The following ZCCHC24 variants were observed in gnomAD, a reference collection of about 807,000 sequenced individuals.
ZCCHC24 encodes zinc finger CCHC domain-containing protein 24.
Under a neutral mutation model 26.2 loss-of-function variants are expected in ZCCHC24, and 10 were observed. The ratio of observed to expected loss-of-function variants is 0.38; its 90% CI spans 0.24 to 0.65. The LOEUF (loss-of-function observed/expected upper bound fraction) is 0.65. Ranked by LOEUF, ZCCHC24 falls within the 30% of genes least tolerant of loss-of-function variation. ZCCHC24 has a pLI of 0.54. For missense variants in ZCCHC24, 243 were observed against 329.1 expected (o/e 0.74, Z 2.03); for synonymous variants, 144 against 147.1 (o/e 0.98, Z 0.15).
intron 1 of ZCCHC24, among the ~76,000 whole-genome samples, chr10:79,439,327 A>G (rs902253631): frequency 6.6e-6 from 1 of 152,230 alleles, no homozygotes; most frequent in Non-Finnish European, 1.5e-5. Context: ...GCTCATTCCA[A>G]TGAATCAAGA....
In ZCCHC24 at chr10:79,445,550, G is replaced by T; in HGVS notation, c.-110C>A. On this transcript the variant is annotated 5_prime_UTR_variant, in exon 1 of 4. Coordinates refer to ENST00000372336, the MANE Select transcript of ZCCHC24 (RefSeq NM_153367.4). The stretch of plus-strand genomic sequence containing the variant: ...GCCCACTGCCCGCCTCCCGAGCCCC[G>T]ACGGTGATCGCCCCGCGCCCTGCGC... 1 of 993,196 alleles carries T rather than the reference G, an allele frequency of 1.0e-6. No homozygotes were observed. The highest frequency in any genetic ancestry group is 4.8e-5 in the South Asian group (1 of 20,994). 61.5% of individuals were successfully genotyped at this position (993,196 alleles called of 1,614,324 possible). A position where few individuals can be genotyped will look rare whatever the true frequency, so the allele number is the denominator to read the frequency against.
chr10:79,404,587 A>C (rs1856683612), intron 2 of ZCCHC24, among the ~76,000 whole-genome samples: 1 of 152,136 alleles, frequency 6.6e-6, no homozygotes, highest in African/African-American at 2.4e-5. Context: ...GGGACTATTG[A>C]GTTTGAAAAC....
chr10:79,422,612 C>T (rs933506320), intron 2 of ZCCHC24, among the ~76,000 whole-genome samples: 33 of 152,228 alleles, frequency 2.2e-4, no homozygotes, highest in African/African-American at 7.2e-4. Context: ...TATTTTTCTT[C>T]TTTTGCAATC....
chr10:79,390,909 C>T (rs985039403), intron 3 of ZCCHC24, among the ~76,000 whole-genome samples: 5 of 152,056 alleles, frequency 3.3e-5, no homozygotes, highest in Admixed American at 1.3e-4. Context: ...CCCTCTCCAC[C>T]GCGGGGCAAC....
At chr10:79,419,112 G>C (rs1454569340) in intron 2 of ZCCHC24, among the ~76,000 whole-genome samples, 1 of 152,152 alleles carries the variant, frequency 6.6e-6, no homozygotes, top group Non-Finnish European at 1.5e-5. Context: ...AAGGAGAGGG[G>C]CTCCGGTGGG....
chr10:79,412,678 C>T (rs145286595), intron 2 of ZCCHC24, among the ~76,000 whole-genome samples: 4 of 152,334 alleles, frequency 2.6e-5, no homozygotes, highest in African/African-American at 9.6e-5. Flanking sequence ...TGTGGCCCTG[C>T]GTCCCCTCTT....
chr10:79,407,787 A>T (rs1226625048), intron 2 of ZCCHC24, among the ~76,000 whole-genome samples: 1 of 152,228 alleles, frequency 6.6e-6, no homozygotes, highest in Non-Finnish European at 1.5e-5. Flanking sequence ...TCCTCACCCC[A>T]GGAGCTGGGC....
chr10:79,400,258 A>G (rs1294898186), intron 2 of ZCCHC24, among the ~76,000 whole-genome samples: 1 of 152,270 alleles, frequency 6.6e-6, no homozygotes, highest in Non-Finnish European at 1.5e-5. Context: ...AGACATGCGG[A>G]CAAAAGGGGT....
At chr10:79,401,122 C>G (rs182606607) in intron 2 of ZCCHC24, among the ~76,000 whole-genome samples, 1 of 152,206 alleles carries the variant, frequency 6.6e-6, no homozygotes, top group Non-Finnish European at 1.5e-5. Flanking sequence ...GTGCCCTGCA[C>G]GCCAAGACTC....
intron 2 of ZCCHC24, among the ~76,000 whole-genome samples, chr10:79,416,554 ACT>A (rs768199337): frequency 6.6e-6 from 1 of 151,666 alleles, no homozygotes; most frequent in South Asian, 2.1e-4. Flanking sequence ...CTCCTGTGTG[ACT>A]CTGGGCGAAT....
intron 3 of ZCCHC24, among the ~76,000 whole-genome samples, chr10:79,387,633 G>A (rs966940122): frequency 1.6e-5 from 1 of 62,364 alleles, no homozygotes; most frequent in Non-Finnish European, 3.4e-5. Context: ...CCCAGGAGAG[G>A]GGGCAGAACC....
intron 2 of ZCCHC24, among the ~76,000 whole-genome samples, chr10:79,410,292 T>C (rs9943417): frequency 0.014 from 2,097 of 152,344 alleles, 53 homozygotes; most frequent in African/African-American, 0.048. Context: ...TCCTGCAAGA[T>C]TGGGAACTGC....
At chr10:79,399,315 C>G (rs1338254055) in intron 2 of ZCCHC24, among the ~76,000 whole-genome samples, 1 of 152,232 alleles carries the variant, frequency 6.6e-6, no homozygotes, top group Admixed American at 6.5e-5. Flanking sequence ...CCACACACCC[C>G]CCTGCCTCCT....
intron 2 of ZCCHC24, among the ~76,000 whole-genome samples, chr10:79,427,656 A>G (rs560625664): frequency 6.6e-6 from 1 of 152,136 alleles, no homozygotes; most frequent in African/African-American, 2.4e-5. Context: ...AAAATAAGAT[A>G]CAATATACCA....
Position 79,445,336 on chromosome 10 carries a change from G to A in ZCCHC24, c.105C>T (p.Ser35=). 1.3e-6 allele frequency: 2 copies of A among 1,531,862 alleles called. No homozygotes were observed. The highest frequency in any genetic ancestry group is 2.7e-5 in the East Asian group (1 of 37,206). 94.9% of individuals were successfully genotyped at this position (1,531,862 alleles called of 1,614,324 possible). ...GCTCGGGCCGGAAGGCATCGAAGGC[G>A]CTAGCCTGGTGCGTGTCCTGCAGCG... ...YLSLQDTHQA[S]AFDAFRPEPT... The change falls in exon 1 of 4, where the codon AGC becomes AGT. Residue 35 remains serine, a synonymous_variant. Coordinates refer to ENST00000372336, the MANE Select transcript of ZCCHC24 (RefSeq NM_153367.4).
At chr10:79,407,903 C>T (rs1291363650) in intron 2 of ZCCHC24, among the ~76,000 whole-genome samples, 2 of 151,996 alleles carry the variant, frequency 1.3e-5, no homozygotes, top group African/African-American at 2.4e-5. Flanking sequence ...TCAGTGGCGG[C>T]GGGGTACTGG....
chr10:79,444,452 G>T (rs1365195457), intron 1 of ZCCHC24, among the ~76,000 whole-genome samples: 1 of 151,988 alleles, frequency 6.6e-6, no homozygotes, highest in Admixed American at 6.5e-5. Flanking sequence ...TGCAGAAGGC[G>T]CTGGGCAGCT....
chr10:79,389,528 T>TTGTGTGTGTGTGTG (rs1564631249), intron 3 of ZCCHC24, among the ~76,000 whole-genome samples: 7 of 65,196 alleles, frequency 1.1e-4, no homozygotes, highest in African/African-American at 4.4e-4. Flanking sequence ...GACTTTTTCC[T>TTGTGTGTGTGTGTG]AGTGTGTGTG....
intron 2 of ZCCHC24, among the ~76,000 whole-genome samples, chr10:79,420,487 A>C (rs61029151): frequency 0.029 from 4,396 of 150,814 alleles, 225 homozygotes; most frequent in African/African-American, 0.098. Flanking sequence ...GCATAATAAT[A>C]ACGACAGTAG....
Sources: gnomAD v4.1 joint callset for allele counts (sites outside exome capture counted in the v4.1 genomes callset) on GRCh38, gnomAD v4.1.1 for gene constraint, MANE v1.5 for transcripts, NCBI Gene and HGNC (gene_info 2026-07-23, HGNC 2026-07-21) for gene names.